ARFGEF3: variants seen among roughly 807,000 people sequenced by gnomAD.
The protein encoded by ARFGEF3 is ARFGEF family member 3, also known as brefeldin A-inhibited guanine nucleotide-exchange protein 3.
A neutral mutation model predicts 221.7 loss-of-function variants in ARFGEF3; 96 were observed. That is an observed-to-expected ratio of 0.43 (90% CI 0.37 to 0.51). ARFGEF3 has a LOEUF of 0.51. ARFGEF3 is among the 20% of genes least tolerant of loss of function. The pLI is 0.00. For missense variants in ARFGEF3, 2,410 were observed against 2,789.9 expected, an observed-to-expected ratio of 0.86 and a Z score of 3.07; for synonymous variants, 1,145 against 1,126.8, an observed-to-expected ratio of 1.02 and a Z score of -0.32.
At chr6:138,237,854 T>A (rs1027380110) in intron 5 of ARFGEF3, among the ~76,000 whole-genome samples, 4 of 152,190 alleles carry the variant, frequency 2.6e-5, no homozygotes, top group African/African-American at 7.2e-5. Flanking sequence ...TTTGCAGAGT[T>A]CCTGCAGAGG....
chr6:138,253,552 C>T (rs1778618138), intron 8 of ARFGEF3, among the ~76,000 whole-genome samples: 1 of 152,142 alleles, frequency 6.6e-6, no homozygotes, highest in South Asian at 2.1e-4. Context: ...CACTGTCTTC[C>T]CTCAGTGAAT....
intron 17 of ARFGEF3, 132 bp downstream of exon 17, chr6:138,287,316 C>T: frequency 1.5e-6 from 1 of 658,228 alleles, no homozygotes; most frequent in South Asian, 1.8e-5. Context: ...CACCACTGAT[C>T]ACGAGATCCC....
At chr6:138,181,751 C>T (rs763851952) in intron 2 of ARFGEF3, among the ~76,000 whole-genome samples, 2 of 152,152 alleles carry the variant, frequency 1.3e-5, no homozygotes, top group Non-Finnish European at 2.9e-5. Context: ...CTCTTCATCC[C>T]TTTTGAATGG....
intron 6 of ARFGEF3, among the ~76,000 whole-genome samples, chr6:138,240,600 T>C (rs929407164): frequency 6.6e-6 from 1 of 152,158 alleles, no homozygotes; most frequent in African/African-American, 2.4e-5. Context: ...TCACGGACCA[T>C]CTGGACTCAC....
intron 12 of ARFGEF3, among the ~76,000 whole-genome samples, chr6:138,264,168 A>C (rs1778842941): frequency 1.3e-5 from 2 of 152,184 alleles, no homozygotes; most frequent in South Asian, 4.1e-4. Context: ...CTCAGACCGT[A>C]AACAGTGGTG....
At chr6:138,284,926 C>T (rs990428167) in intron 14 of ARFGEF3, among the ~76,000 whole-genome samples, 2 of 152,180 alleles carry the variant, frequency 1.3e-5, no homozygotes, top group Non-Finnish European at 2.9e-5. Context: ...ATACTGTAAG[C>T]AGCTGTCATA....
intron 4 of ARFGEF3, among the ~76,000 whole-genome samples, chr6:138,212,809 A>G (rs1179173026): frequency 2.6e-5 from 4 of 152,164 alleles, no homozygotes; most frequent in Non-Finnish European, 5.9e-5. Flanking sequence ...TCTCACTTAT[A>G]GGTGGGAATT....
rs1488924450 is a variant in ARFGEF3, at chr6:138,336,459, G to T, written c.6507G>T (p.Val2169=). The part of the protein sequence containing the change: ...RQAVREWLGR[V]GRVYDIIV ...CTGTGAGGGAGTGGCTGGGCAGGGT[G>T]GGCCGTGTCTATGACATCATTGTGT... The change falls in exon 34 of 34, where the codon GTG becomes GTT. Residue 2169 remains valine (V), a synonymous_variant. Transcript: ENST00000251691. 1 of 1,611,290 alleles carries T rather than the reference G, an allele frequency of 6.2e-7. No individual in the cohort carries two copies. The highest frequency in any genetic ancestry group is 8.5e-7 in the Non-Finnish European group (1 of 1,178,702).
intron 2 of ARFGEF3, among the ~76,000 whole-genome samples, chr6:138,182,230 G>A (rs1777090425): frequency 6.6e-6 from 1 of 152,118 alleles, no homozygotes; most frequent in African/African-American, 2.4e-5. Flanking sequence ...AACTCACTAT[G>A]GGGTATTAGC....
chr6:138,327,141 A>C (rs1346564642), intron 31 of ARFGEF3, among the ~76,000 whole-genome samples: 1 of 152,212 alleles, frequency 6.6e-6, no homozygotes, highest in Non-Finnish European at 1.5e-5. Context: ...CAGCAAGAAC[A>C]GCTAATGCAT....
intron 12 of ARFGEF3, among the ~76,000 whole-genome samples, chr6:138,265,899 C>T (rs1393478864): frequency 6.6e-6 from 1 of 151,944 alleles, no homozygotes; most frequent in African/African-American, 2.4e-5. Flanking sequence ...CCACACCCAG[C>T]AATTTTTTTT....
intron 9 of ARFGEF3, among the ~76,000 whole-genome samples, chr6:138,254,791 A>G (rs112571288): frequency 1.4e-3 from 207 of 152,350 alleles, no homozygotes; most frequent in African/African-American, 4.7e-3. Context: ...AGAAAAACTG[A>G]TGATGATTAT....
chr6:138,344,568 G>A lies in ARFGEF3; in HGVS notation c.*8082G>A, dbSNP rs1218120979. 3 of 152,120 alleles carry A rather than the reference G, an allele frequency of 2.0e-5. No individual in the cohort carries two copies. The highest frequency in any genetic ancestry group is 7.2e-5 in the African/African-American group (3 of 41,418). 9.4% of individuals were successfully genotyped at this position (152,120 alleles called of 1,614,324 possible). On this transcript the variant is annotated 3_prime_UTR_variant, in exon 34 of 34. Coordinates refer to ENST00000251691, the MANE Select transcript of ARFGEF3 (RefSeq NM_020340.5). ...AAGAGAAAATATTTTAAAAGATATT[G>A]TATTTATGTTGCTTGTGTTGTAGAA...
rs558060294 is a variant in ARFGEF3, at chr6:138,218,130, G to T, written c.351+8089G>T. On this transcript the variant is annotated intron_variant, in intron 4 of 33. Transcript: ENST00000251691. ...ACATTTCATTGAGGAACCTTTCATG[G>T]TCAAGTGTGTCTGCAAGGGTGTGAG... 6 of 1,613,950 alleles carry T rather than the reference G, an allele frequency of 3.7e-6. No individual in the cohort carries two copies. The highest frequency in any genetic ancestry group is 1.6e-4 in the Middle Eastern group (1 of 6,062).
At chr6:138,236,199 A>C (rs1053451189) in intron 5 of ARFGEF3, among the ~76,000 whole-genome samples, 2 of 152,228 alleles carry the variant, frequency 1.3e-5, no homozygotes, top group African/African-American at 4.8e-5. Flanking sequence ...TTAAGTGTGT[A>C]GTTCAGCTCT....
intron 29 of ARFGEF3, among the ~76,000 whole-genome samples, chr6:138,322,489 A>G (rs1000120929): frequency 3.3e-5 from 5 of 152,204 alleles, no homozygotes; most frequent in East Asian, 1.9e-4. Flanking sequence ...GCATAAAGGA[A>G]ATGTGGTACA....
At chr6:138,181,437 T>TTTTTG (rs1382950317) in intron 2 of ARFGEF3, among the ~76,000 whole-genome samples, 1 of 152,186 alleles carries the variant, frequency 6.6e-6, no homozygotes, top group Admixed American at 6.5e-5. Context: ...TCTTCATTCC[T>TTTTTG]TTTTGTTTTG....
At chr6:138,218,043 C>T (rs755795226) in intron 4 of ARFGEF3, 52 of 1,610,260 alleles carry the variant, frequency 3.2e-5, no homozygotes, top group African/African-American at 4.1e-5. Flanking sequence ...GCATTCCAGA[C>T]CTAGGGTCTG....
At chr6:138,324,569 C>A (rs1372468536) in intron 31 of ARFGEF3, among the ~76,000 whole-genome samples, 1 of 152,122 alleles carries the variant, frequency 6.6e-6, no homozygotes, top group Non-Finnish European at 1.5e-5. Context: ...TTAAAAGTTG[C>A]TTAATAAATT....
Sources: gnomAD v4.1 joint callset for allele counts (sites outside exome capture counted in the v4.1 genomes callset) on GRCh38, gnomAD v4.1.1 for gene constraint, MANE v1.5 for transcripts, NCBI Gene and HGNC (gene_info 2026-07-23, HGNC 2026-07-21) for gene names.